The following TBXAS1 variants were observed in gnomAD, a reference collection of about 807,000 sequenced individuals.
TBXAS1 encodes the protein thromboxane A synthase 1.
A neutral mutation model predicts 60.7 loss-of-function variants in TBXAS1; 48 were observed. That is an observed-to-expected ratio of 0.79 (90% CI 0.63 to 1.01). The LOEUF is 1.01. Among genes scored for constraint, TBXAS1 ranks in the 50% least tolerant of loss-of-function variants. TBXAS1 has a pLI of 0.00. For synonymous variants in TBXAS1, 287 were observed against 269.7 expected (o/e 1.06, Z -0.63); for missense variants, 685 against 686.3 (o/e 1.00, Z 0.02).
At chr7:139,804,401 C>T (rs1797792138) in intron 4 of TBXAS1, among the ~76,000 whole-genome samples, 1 of 152,160 alleles carries the variant, frequency 6.6e-6, no homozygotes, top group South Asian at 2.1e-4. Flanking sequence ...TTTACAGGCT[C>T]ATAGGCAGAA....
At chr7:139,871,601 C>CT (rs1801829668) in intron 1 of TBXAS1, among the ~76,000 whole-genome samples, 1 of 152,188 alleles carries the variant, frequency 6.6e-6, no homozygotes, top group South Asian at 2.1e-4. Context: ...ACCACGCTTC[C>CT]TGATTTTTGG....
chr7:139,782,850 T>C (rs549906472), intron 3 of TBXAS1: 3 of 152,368 alleles, frequency 2.0e-5, no homozygotes, highest in East Asian at 3.9e-4. Flanking sequence ...TGTATCTTTC[T>C]ATCTTTTCCA....
intron 9 of TBXAS1, among the ~76,000 whole-genome samples, chr7:139,963,999 A>G (rs955054485): frequency 1.3e-5 from 2 of 152,150 alleles, no homozygotes; most frequent in South Asian, 4.1e-4. Flanking sequence ...CTTGTAACCA[A>G]TGGAGAAGAG....
intron 3 of TBXAS1, 143 bp from the exon 4 acceptor site, chr7:139,911,082 T>C (rs1569512355): frequency 2.6e-6 from 2 of 756,746 alleles, no homozygotes; most frequent in Non-Finnish European, 4.7e-6. Context: ...TTGCTTATGA[T>C]TGGAACATAT....
At chr7:139,928,644 A>C (rs574674033) in intron 4 of TBXAS1, among the ~76,000 whole-genome samples, 1 of 152,196 alleles carries the variant, frequency 6.6e-6, no homozygotes, top group South Asian at 2.1e-4. Flanking sequence ...CCAGATTAAT[A>C]GAGTTTTATT....
rs185497959 is a variant in TBXAS1, at chr7:139,949,454, G to A, written c.451-3914G>A. Among the ~76,000 whole-genome samples, 282 of 152,222 alleles carry A rather than the reference G, an allele frequency of 1.9e-3. 1 individual carries two copies. The highest frequency in any genetic ancestry group is 6.4e-3 in the African/African-American group (266 of 41,516). On this transcript the variant is annotated intron_variant, in intron 5 of 12. Transcript: ENST00000448866. ...TACCACTAAACTTATTAAGATAATC[G>A]AAGGAAGATAGCCAGTAAAGCTAGT...
At chr7:139,962,960 A>T (rs538491468) in intron 9 of TBXAS1, 1 of 152,518 alleles carries the variant, frequency 6.6e-6, no homozygotes, top group African/African-American at 2.4e-5. Flanking sequence ...TTACATTCTG[A>T]TATGATTGCT....
chr7:139,898,237 A>G (rs1162507887), intron 3 of TBXAS1, among the ~76,000 whole-genome samples: 5 of 152,114 alleles, frequency 3.3e-5, no homozygotes, highest in African/African-American at 1.2e-4. Context: ...TTCCATGGCA[A>G]AGGTCAGACT....
intron 3 of TBXAS1, among the ~76,000 whole-genome samples, chr7:139,889,917 G>T (rs918300801): frequency 6.6e-6 from 1 of 152,174 alleles, no homozygotes; most frequent in Admixed American, 6.5e-5. Context: ...TGGGTGCAAG[G>T]TGACTTAGGA....
intron 5 of TBXAS1, among the ~76,000 whole-genome samples, chr7:139,947,334 T>C (rs1398002370): frequency 2.6e-5 from 4 of 152,130 alleles, no homozygotes; most frequent in African/African-American, 7.2e-5. Context: ...GAACACCACA[T>C]GTTCTCACTT....
At chr7:139,856,238 C>G (rs575456760) in intron 1 of TBXAS1, among the ~76,000 whole-genome samples, 1 of 152,254 alleles carries the variant, frequency 6.6e-6, no homozygotes, top group Admixed American at 6.5e-5. Flanking sequence ...CTAGGGGGAG[C>G]GAGAGTCCTT....
chr7:139,870,123 G>A (rs1801714208), intron 1 of TBXAS1, among the ~76,000 whole-genome samples: 1 of 152,218 alleles, frequency 6.6e-6, no homozygotes, highest in Non-Finnish European at 1.5e-5. Context: ...GCTGCAAAGG[G>A]AAGTTTGTGG....
chr7:139,887,318 G>C (rs1274101461), intron 3 of TBXAS1, among the ~76,000 whole-genome samples: 1 of 152,168 alleles, frequency 6.6e-6, no homozygotes, highest in Admixed American at 6.5e-5. Flanking sequence ...GTATAGATCA[G>C]TTGCATTAAG....
intron 1 of TBXAS1, among the ~76,000 whole-genome samples, chr7:139,853,816 C>T (rs771300696): frequency 2.6e-5 from 4 of 152,126 alleles, no homozygotes; most frequent in East Asian, 1.9e-4. Flanking sequence ...AAATAATGAA[C>T]GTAGACAGGA....
At chr7:139,791,046 C>T (rs1431869491) in intron 4 of TBXAS1, among the ~76,000 whole-genome samples, 1 of 152,182 alleles carries the variant, frequency 6.6e-6, no homozygotes, top group African/African-American at 2.4e-5. Context: ...CCAAGCCATC[C>T]TCCTGCCTTG....
chr7:139,886,869 C>G (rs1482565058), intron 3 of TBXAS1, among the ~76,000 whole-genome samples: 1 of 152,190 alleles, frequency 6.6e-6, no homozygotes, highest in African/African-American at 2.4e-5. Flanking sequence ...CTGCTTCCCC[C>G]AAAGGCTTAG....
chr7:139,950,883 C>T lies in TBXAS1; in HGVS notation c.451-2485C>T, dbSNP rs567095518. On this transcript the variant is annotated intron_variant, in intron 5 of 12. Coordinates refer to ENST00000448866, the MANE Select transcript of TBXAS1 (RefSeq NM_001061.7). ...CCTCCATCTACGGGACCCCCTCGCC[C>T]TCCATCTACAGGACCCACTCCTTCA... 2.4e-3 allele frequency among the ~76,000 whole-genome samples: 352 copies of T among 144,890 alleles called. 21 individuals carry two copies. Among genetic ancestry groups the T allele is most frequent in the Non-Finnish European group, 3.8e-3 (246 of 65,074 alleles).
chr7:139,959,343 G>A (rs1403369831), intron 8 of TBXAS1, among the ~76,000 whole-genome samples: 3 of 152,164 alleles, frequency 2.0e-5, no homozygotes, highest in African/African-American at 7.2e-5. Flanking sequence ...TGAAAATGCG[G>A]CACAGATGTT....
intron 9 of TBXAS1, among the ~76,000 whole-genome samples, chr7:139,996,922 AC>A (rs1474209214): frequency 1.3e-5 from 2 of 152,024 alleles, no homozygotes; most frequent in African/African-American, 4.8e-5. Context: ...GGAGCACCTC[AC>A]TTTTGCCTGG....
Sources: allele counts gnomAD v4.1 joint callset (sites outside exome capture counted in the v4.1 genomes callset), GRCh38; gene constraint gnomAD v4.1.1; transcripts MANE v1.5; gene names NCBI Gene and HGNC (gene_info 2026-07-23, HGNC 2026-07-21).